Variants in ABI1 observed in about 807,000 individuals in gnomAD.
The protein encoded by ABI1 is abl interactor 1, also known as Abelson interactor 1.
A neutral mutation model predicts 54.6 loss-of-function variants in ABI1; 14 were observed. That is an observed-to-expected ratio of 0.26 (90% CI 0.17 to 0.40). The LOEUF (loss-of-function observed/expected upper bound fraction) is 0.40, where lower values mean the gene tolerates loss of function less well. ABI1 is among the 10% of genes least tolerant of loss of function. ABI1 has a pLI of 1.00. For missense variants in ABI1, 443 were observed against 598.3 expected, an observed-to-expected ratio of 0.74 and a Z score of 2.71; for synonymous variants, 194 against 209.3, an observed-to-expected ratio of 0.93 and a Z score of 0.63.
At chr10:26,786,442 T>C (rs1564498181) in intron 2 of ABI1, among the ~76,000 whole-genome samples, 1 of 152,074 alleles carries the variant, frequency 6.6e-6, no homozygotes. Flanking sequence ...CTCAAACTCC[T>C]GACTTGACTT....
intron 7 of ABI1, among the ~76,000 whole-genome samples, chr10:26,763,442 A>C (rs1466645288): frequency 2.6e-5 from 4 of 152,056 alleles, no homozygotes; most frequent in Non-Finnish European, 5.9e-5. Flanking sequence ...AGAGTTTTTC[A>C]AACTATGATC....
chr10:26,773,935 T>C (rs1443854216), intron 3 of ABI1, among the ~76,000 whole-genome samples: 1 of 152,132 alleles, frequency 6.6e-6, no homozygotes. Context: ...AGACCAATAA[T>C]AAAATCTAAC....
At chr10:26,846,677 C>G (rs560236604) in intron 1 of ABI1, among the ~76,000 whole-genome samples, 14 of 151,792 alleles carry the variant, frequency 9.2e-5, no homozygotes, top group Non-Finnish European at 1.9e-4. Flanking sequence ...TCATCAGCCT[C>G]AGACAAAAAA....
At chr10:26,840,909 T>C (rs2049449734) in intron 1 of ABI1, among the ~76,000 whole-genome samples, 1 of 152,192 alleles carries the variant, frequency 6.6e-6, no homozygotes, top group Non-Finnish European at 1.5e-5. Flanking sequence ...ACAGTTTTGG[T>C]CCATCATCAA....
chr10:26,829,998 T>C (rs2133895595), intron 1 of ABI1, among the ~76,000 whole-genome samples: 1 of 152,302 alleles, frequency 6.6e-6, no homozygotes, highest in East Asian at 1.9e-4. Context: ...AACCACTGAC[T>C]TCCTTTCTGT....
At chr10:26,837,658 C>T (rs537533803) in intron 1 of ABI1, among the ~76,000 whole-genome samples, 18 of 152,288 alleles carry the variant, frequency 1.2e-4, no homozygotes, top group Non-Finnish European at 2.4e-4. Context: ...GCTGCCCAGG[C>T]TAGAGTGCAG....
Position 26,822,341 on chromosome 10 carries a change from T to C in ABI1, c.285+797A>G, listed in dbSNP as rs554687006. ...TAAAGTGAAACAGACACCTACCACA[T>C]GACCTCTCCATTCTGCACAGAGGTA... On this transcript the variant is annotated intron_variant, in intron 2 of 10. Coordinates refer to ENST00000376140, the MANE Select transcript of ABI1 (RefSeq NM_001012750.3). Among the ~76,000 whole-genome samples, 19 of 152,310 alleles carry C rather than the reference T, an allele frequency of 1.2e-4. No individual in the cohort carries two copies. The South Asian group carries it at 3.7e-3, about 30-fold the overall frequency.
At chr10:26,835,654 T>C (rs1042989609) in intron 1 of ABI1, among the ~76,000 whole-genome samples, 1 of 151,886 alleles carries the variant, frequency 6.6e-6, no homozygotes, top group Non-Finnish European at 1.5e-5. Flanking sequence ...TAAAAGGAAA[T>C]ATATTGATAC....
intron 7 of ABI1, among the ~76,000 whole-genome samples, chr10:26,764,464 T>C (rs1025694014): frequency 7.9e-5 from 12 of 152,214 alleles, no homozygotes; most frequent in African/African-American, 2.7e-4. Flanking sequence ...CCAGAGTAGA[T>C]ACTGGCCTGT....
chr10:26,771,613 A>ACTTT (rs1840703061), intron 3 of ABI1, among the ~76,000 whole-genome samples: 1 of 152,168 alleles, frequency 6.6e-6, no homozygotes, highest in African/African-American at 2.4e-5. Flanking sequence ...TGAAAAAAGG[A>ACTTT]CCTAGTATCT....
intron 1 of ABI1, among the ~76,000 whole-genome samples, chr10:26,855,407 A>G (rs2050722388): frequency 6.6e-6 from 1 of 152,190 alleles, no homozygotes; most frequent in African/African-American, 2.4e-5. Flanking sequence ...AGCACAGCCT[A>G]TGGAGTCTGC....
Position 26,825,213 on chromosome 10 carries a change from G to A in ABI1, c.118-1908C>T, listed in dbSNP as rs751732109. Among the ~76,000 whole-genome samples, 26 of 152,218 alleles carry A rather than the reference G, an allele frequency of 1.7e-4. 1 individual carries two copies. The highest frequency in any genetic ancestry group is 2.8e-4 in the Non-Finnish European group (19 of 68,032). ...GATATTTGATAGCATTTTACCCTCA[G>A]TAGAACTTCTTTCAAAACTGAAATC... On this transcript the variant is annotated intron_variant, in intron 1 of 10. Coordinates refer to ENST00000376140, the MANE Select transcript of ABI1 (RefSeq NM_001012750.3).
At chr10:26,836,358 C>T (rs2049078654) in intron 1 of ABI1, among the ~76,000 whole-genome samples, 1 of 152,180 alleles carries the variant, frequency 6.6e-6, no homozygotes, top group Non-Finnish European at 1.5e-5. Flanking sequence ...GGCAATCCAC[C>T]TGCCTCAGCC....
At chr10:26,852,851 G>T (rs756215523) in intron 1 of ABI1, among the ~76,000 whole-genome samples, 1 of 152,206 alleles carries the variant, frequency 6.6e-6, no homozygotes, top group African/African-American at 2.4e-5. Context: ...AGGATCACTT[G>T]AGTCCAGGAG....
intron 2 of ABI1, among the ~76,000 whole-genome samples, chr10:26,811,362 T>C (rs1009032771): frequency 1.3e-5 from 2 of 152,190 alleles, no homozygotes; most frequent in Admixed American, 1.3e-4. Context: ...ATCTCTACTA[T>C]AGCTTGCTCC....
chr10:26,843,447 C>A (rs1486969788), intron 1 of ABI1, among the ~76,000 whole-genome samples: 2 of 62,686 alleles, frequency 3.2e-5, no homozygotes, highest in African/African-American at 1.0e-4. Flanking sequence ...TAGCAAGACT[C>A]CGTCTCAAAA....
chr10:26,749,030 A>G (rs905954949), intron 10 of ABI1, among the ~76,000 whole-genome samples: 1 of 152,204 alleles, frequency 6.6e-6, no homozygotes, highest in Non-Finnish European at 1.5e-5. Flanking sequence ...AGATGTTTCA[A>G]TTCATTCAAA....
intron 1 of ABI1, among the ~76,000 whole-genome samples, chr10:26,843,469 AAAAAAAAAAAAAAAAAAT>A (rs1401671612): frequency 7.2e-4 from 60 of 82,944 alleles, no homozygotes; most frequent in African/African-American, 2.7e-3. Flanking sequence ...AAAAAAAAAA[AAAAAAAAAAAAAAAAAAT>A]ATATATATAT....
intron 2 of ABI1, among the ~76,000 whole-genome samples, chr10:26,801,198 C>T (rs1038911020): frequency 2.6e-5 from 4 of 152,116 alleles, no homozygotes; most frequent in African/African-American, 9.7e-5. Context: ...GGTAATCACC[C>T]GACTTTGATG....
Sources: gnomAD v4.1 joint callset for allele counts (sites outside exome capture counted in the v4.1 genomes callset) on GRCh38, gnomAD v4.1.1 for gene constraint, MANE v1.5 for transcripts, NCBI Gene and HGNC (gene_info 2026-07-23, HGNC 2026-07-21) for gene names.